The following MED28 variants were observed in gnomAD, a reference collection of about 807,000 sequenced individuals.
MED28 encodes mediator of RNA polymerase II transcription subunit 28.
Under a neutral mutation model 21.3 loss-of-function variants are expected in MED28, and 26 were observed. That is an observed-to-expected ratio of 1.22 (90% CI 0.89 to 1.69). The LOEUF is 1.69. MED28 is among the 40% of genes most tolerant of loss of function. The probability of loss-of-function intolerance (pLI) is 0.00; values close to 1 mark genes in which losing one functional copy is unlikely to be tolerated. For synonymous variants in MED28, 110 were observed against 87.6 expected, an observed-to-expected ratio of 1.26 and a Z score of -1.43; for missense variants, 257 against 215.4, an observed-to-expected ratio of 1.19 and a Z score of -1.21.
rs1415389367 is a variant in MED28 at position 17,630,071 on chromosome 4, G to A, written c.*6273G>A. ...CTTTTCAGTCACCTGCAGCAAGAAAGGAGTCAAAACCTATGTACGATCTCA... is the reference window on the plus strand; with the variant it reads ...CTTTTCAGTCACCTGCAGCAAGAAAAGAGTCAAAACCTATGTACGATCTCA... On this transcript the variant is annotated 3_prime_UTR_variant, in exon 4 of 4. Coordinates refer to ENST00000237380, the MANE Select transcript of MED28 (RefSeq NM_025205.5). 2 of 152,150 alleles carry A rather than the reference G, an allele frequency of 1.3e-5. No homozygotes were observed. Among genetic ancestry groups the A allele is most frequent in the East Asian group, 1.9e-4 (1 of 5,194 alleles). The allele number at this position is 152,150 out of a possible 1,614,324, so 9.4% of individuals were successfully genotyped here. A position where few individuals can be genotyped will look rare whatever the true frequency, so the allele number is the denominator to read the frequency against.
At chr4:17,620,112 C>A in intron 2 of MED28, 145 bp downstream of exon 2, 2 of 709,740 alleles carry the variant, frequency 2.8e-6, no homozygotes, top group Non-Finnish European at 4.8e-6. Flanking sequence ...TCTCTATGAG[C>A]TGCTGATTTT....
chr4:17,621,468 A>G, intron 2 of MED28, 119 bp from the exon 3 acceptor site: 1 of 635,526 alleles, frequency 1.6e-6, no homozygotes, highest in East Asian at 3.1e-5. Context: ...GCCAAGATTA[A>G]AATCCCTGAG....
In MED28 at chr4:17,623,838, C is replaced by T. The variant is rs200145667; in HGVS notation, c.*40C>T. On this transcript the variant is annotated 3_prime_UTR_variant, in exon 4 of 4. Coordinates refer to ENST00000237380, the MANE Select transcript of MED28 (RefSeq NM_025205.5). ...CAGTTGGCCTATGAGTGGGCTGATG[C>T]GTGAGGTTGGCCACACATTCCTTCC... 7.8e-5 allele frequency: 123 copies of T among 1,576,144 alleles called. No individual in the cohort carries two copies. In the Admixed American group the frequency reaches 8.6e-4, roughly 11 times the overall value.
rs1248002490 is a variant in MED28, at chr4:17,632,591, C to T, written c.*8793C>T. On this transcript the variant is annotated 3_prime_UTR_variant, in exon 4 of 4. Coordinates refer to ENST00000237380, the MANE Select transcript of MED28 (RefSeq NM_025205.5). Reference sequence around the variant, plus strand: ...TGCGGAGAGCCCTGTTTCTGCTGGACTTCTTTGGCTTGGGCCGTTTCACCA... The same window carrying T: ...TGCGGAGAGCCCTGTTTCTGCTGGATTTCTTTGGCTTGGGCCGTTTCACCA... 6.4e-7 allele frequency: 1 copy of T among 1,551,174 alleles called. No homozygotes were observed. Among genetic ancestry groups the T allele is most frequent in the South Asian group, 1.2e-5 (1 of 84,052 alleles).
At chr4:17,615,045 T>C (rs1212293151) in intron 1 of MED28, among the ~76,000 whole-genome samples, 2 of 152,212 alleles carry the variant, frequency 1.3e-5, no homozygotes. Context: ...GAAGTTTGCC[T>C]AAACCCCAAA....
In MED28 at chr4:17,631,812, G is replaced by T. The variant is rs1577237035; in HGVS notation, c.*8014G>T. On this transcript the variant is annotated 3_prime_UTR_variant, in exon 4 of 4. Coordinates refer to ENST00000237380, the MANE Select transcript of MED28 (RefSeq NM_025205.5). ...ATTTGTCTTCCTATTGAGGTTAGAT[G>T]TGCATTTTGGAATTGCATCATTTTA... 1.3e-5 allele frequency: 2 copies of T among 152,230 alleles called. No individual in the cohort carries two copies. Among genetic ancestry groups the T allele is most frequent in the Admixed American group, 1.3e-4 (2 of 15,288 alleles). The allele number at this position is 152,230 out of a possible 1,614,324, so 9.4% of individuals were successfully genotyped here.
chr4:17,614,914 C>T lies in MED28; in HGVS notation c.159+101C>T, dbSNP rs3890403. On this transcript the variant is annotated intron_variant, in intron 1 of 3. Transcript: ENST00000237380. ...CCTCCAGGGATCCGAGCAACTAATT[C>T]ACAAATGGGGAAACTGAGGCTTAAA... is the stretch of plus-strand genomic sequence containing the variant. 11,163 of 1,361,840 alleles carry T rather than the reference C, an allele frequency of 8.2e-3. 747 individuals carry two copies. The African/African-American group carries it at 0.14, about 18-fold the overall frequency. The allele number at this position is 1,361,840 out of a possible 1,614,324, so 84.4% of individuals were successfully genotyped here. A position where few individuals can be genotyped will look rare whatever the true frequency, so the allele number is the denominator to read the frequency against.
At position 17,623,794 on chromosome 4, in the gene MED28, C is replaced by T. The variant is rs200538296; in HGVS notation, c.533C>T (p.Thr178Met). The change falls in exon 4 of 4, where the codon ACG becomes ATG. Residue 178 changes from threonine to methionine, a missense_variant. By Grantham distance (81) the Thr-to-Met change is moderately conservative (BLOSUM62 -1). Transcript: ENST00000237380. ...SANIPAPLKP[T>M] ...AACATCCCTGCACCTCTGAAGCCAA[C>T]GTGAGCAAAGGGCAGAGGCAGTTGG... 47 of 1,613,190 alleles carry T rather than the reference C, an allele frequency of 2.9e-5. No homozygotes were observed. The African/African-American group carries it at 4.0e-4, about 14-fold the overall frequency.
chr4:17,633,770 G>A lies in MED28; in HGVS notation c.*9972G>A. ...GGGGCTTGGGTCCAAGCTGGGTGAT[G>A]TAGTTATTGGAGGGGCATTAATCCT... On this transcript the variant is annotated 3_prime_UTR_variant, in exon 4 of 4. Transcript: ENST00000237380. The A allele has an allele frequency of 1.3e-6, 2 of 1,551,632 alleles. No homozygotes were observed. Among genetic ancestry groups the A allele is most frequent in the South Asian group, 2.4e-5 (2 of 84,052 alleles).
Position 17,614,782 on chromosome 4 carries a change from C to G in MED28, c.128C>G (p.Thr43Ser), listed in dbSNP as rs1714396781. 1 of 1,612,698 alleles carries G rather than the reference C, an allele frequency of 6.2e-7. No individual in the cohort carries two copies. The highest frequency in any genetic ancestry group is 1.7e-5 in the Admixed American group (1 of 59,516). Residue 43 changes from threonine to serine, a missense_variant, in exon 1 of 4, where the codon ACT (threonine) becomes AGT (serine). Thr to Ser is a moderately conservative substitution (Grantham distance 58). Transcript: ENST00000237380. ...GGCGCTCCTAGACCTTCCAGCAGTACTTTGGTGGACGAGTTGGAGTCATCT... is the reference window on the plus strand; with the variant it reads ...GGCGCTCCTAGACCTTCCAGCAGTAGTTTGGTGGACGAGTTGGAGTCATCT... ...APGAPRPSSSTLVDELESSFE... is the reference protein window; with the variant it reads ...APGAPRPSSSSLVDELESSFE...
chr4:17,618,734 TGA>T (rs139311703), intron 1 of MED28, among the ~76,000 whole-genome samples: 92,855 of 152,034 alleles, frequency 0.61, 28,895 homozygotes, highest in East Asian at 0.89. Flanking sequence ...GTTAGGATGG[TGA>T]CTTCGTGGAT....
At chr4:17,615,223 G>A (rs1292433643) in intron 1 of MED28, among the ~76,000 whole-genome samples, 1 of 152,170 alleles carries the variant, frequency 6.6e-6, no homozygotes, top group Non-Finnish European at 1.5e-5. Flanking sequence ...ATCCTAAAGG[G>A]ACTCTTAAGA....
intron 1 of MED28, 52 bp downstream of exon 1, chr4:17,614,865 CGT>C: frequency 6.5e-7 from 1 of 1,536,930 alleles, no homozygotes; most frequent in Non-Finnish European, 8.8e-7. Context: ...TTTTCTGAAA[CGT>C]GAACTGCGCG....
At position 17,624,931 on chromosome 4, in the gene MED28, T is replaced by C. The variant is rs931336710; in HGVS notation, c.*1133T>C. ...ATTGGGTAAGGTTTTCTGAGTTTTA[T>C]ATCTTATTAGATCACATCCCTTTAC... On this transcript the variant is annotated 3_prime_UTR_variant, in exon 4 of 4. Transcript: ENST00000237380. The C allele has an allele frequency of 6.6e-6, 1 of 152,154 alleles. No individual in the cohort carries two copies. The highest frequency in any genetic ancestry group is 6.6e-5 in the Admixed American group (1 of 15,262). 9.4% of individuals were successfully genotyped at this position (152,154 alleles called of 1,614,324 possible).
At position 17,633,333 on chromosome 4, in the gene MED28, C is replaced by A. The variant is rs1401638588; in HGVS notation, c.*9535C>A. On this transcript the variant is annotated 3_prime_UTR_variant, in exon 4 of 4. Coordinates refer to ENST00000237380, the MANE Select transcript of MED28 (RefSeq NM_025205.5). ...TTTGTGCCAAGTCCTGTGCTAAGCACATCCTATGGATTAATTCCTTTAGTC... is the reference window on the plus strand; with the variant it reads ...TTTGTGCCAAGTCCTGTGCTAAGCAAATCCTATGGATTAATTCCTTTAGTC... 5.6e-6 allele frequency: 1 copy of A among 178,830 alleles called. No homozygotes were observed. The highest frequency in any genetic ancestry group is 1.2e-5 in the Non-Finnish European group (1 of 86,500). The allele number at this position is 178,830 out of a possible 1,614,324, so 11.1% of individuals were successfully genotyped here. A position where few individuals can be genotyped will look rare whatever the true frequency, so the allele number is the denominator to read the frequency against.
At position 17,626,903 on chromosome 4, in the gene MED28, A is replaced by G. The variant is rs1255700666; in HGVS notation, c.*3105A>G. ...GCCATTTGACATTCCTCCCAGAAGA[A>G]CCTCTGCCTCCCAGAGGTTTAAGCA... On this transcript the variant is annotated 3_prime_UTR_variant, in exon 4 of 4. Coordinates refer to ENST00000237380, the MANE Select transcript of MED28 (RefSeq NM_025205.5). 1 of 150,474 alleles carries G rather than the reference A, an allele frequency of 6.6e-6. No individual in the cohort carries two copies. The highest frequency in any genetic ancestry group is 1.5e-5 in the Non-Finnish European group (1 of 67,852). The allele number at this position is 150,474 out of a possible 1,614,324, so 9.3% of individuals were successfully genotyped here. A position where few individuals can be genotyped will look rare whatever the true frequency, so the allele number is the denominator to read the frequency against.
rs1259685612 is a variant in MED28 at position 17,627,768 on chromosome 4, G to T, written c.*3970G>T. 1 of 152,692 alleles carries T rather than the reference G, an allele frequency of 6.5e-6. No individual in the cohort carries two copies. The highest frequency in any genetic ancestry group is 2.4e-5 in the African/African-American group (1 of 41,458). 9.5% of individuals were successfully genotyped at this position (152,692 alleles called of 1,614,324 possible). On this transcript the variant is annotated 3_prime_UTR_variant, in exon 4 of 4. Transcript: ENST00000237380. ...CGCTTGAACCCAGGAGGTGGACGTT[G>T]CAGTGAGCCGAGATCGAGCCACTGC...
In MED28 at chr4:17,632,397, C is replaced by A; in HGVS notation, c.*8599C>A. 1.4e-6 allele frequency: 1 copy of A among 702,640 alleles called. No individual in the cohort carries two copies. The highest frequency in any genetic ancestry group is 2.3e-6 in the Non-Finnish European group (1 of 434,406). The allele number at this position is 702,640 out of a possible 1,614,324, so 43.5% of individuals were successfully genotyped here. A position where few individuals can be genotyped will look rare whatever the true frequency, so the allele number is the denominator to read the frequency against. Reference sequence around the variant, plus strand: ...GCAGAACAGTATGAAGTGTTAACGCCAAAATTTGTTTTAGCTATCATATAT... The same window carrying A: ...GCAGAACAGTATGAAGTGTTAACGCAAAAATTTGTTTTAGCTATCATATAT... On this transcript the variant is annotated 3_prime_UTR_variant, in exon 4 of 4. Transcript: ENST00000237380.
intron 1 of MED28, among the ~76,000 whole-genome samples, chr4:17,615,833 A>G (rs1449837866): frequency 6.6e-5 from 10 of 151,596 alleles, no homozygotes; most frequent in Non-Finnish European, 4.4e-5. Context: ...TAAAATATAA[A>G]TAAATAAAAA....
Sources: gnomAD v4.1 joint callset for allele counts (sites outside exome capture counted in the v4.1 genomes callset) on GRCh38, gnomAD v4.1.1 for gene constraint, MANE v1.5 for transcripts, NCBI Gene and HGNC (gene_info 2026-07-23, HGNC 2026-07-21) for gene names.